The following TBC1D10B variants were observed in gnomAD, a reference collection of about 807,000 sequenced individuals.
The protein encoded by TBC1D10B is Rab27A-GAPbeta.
A neutral mutation model predicts 78.4 loss-of-function variants in TBC1D10B; 25 were observed. The ratio of observed to expected loss-of-function variants is 0.32; its 90% CI spans 0.23 to 0.45. The LOEUF (loss-of-function observed/expected upper bound fraction) is 0.45, where lower values mean the gene tolerates loss of function less well. Among genes scored for constraint, TBC1D10B ranks in the 20% least tolerant of loss-of-function variants. The pLI is 1.00. For missense variants in TBC1D10B, 996 were observed against 1,104.8 expected, an observed-to-expected ratio of 0.90 and a Z score of 1.40; for synonymous variants, 517 against 478.0, an observed-to-expected ratio of 1.08 and a Z score of -1.06.
At position 30,369,229 on chromosome 16, in the gene TBC1D10B, G is replaced by T. The variant is rs867740881; in HGVS notation, c.955C>A (p.Leu319Ile). 1 of 1,576,042 alleles carries T rather than the reference G, an allele frequency of 6.3e-7. No homozygotes were observed. Among genetic ancestry groups the T allele is most frequent in the East Asian group, 2.3e-5 (1 of 43,374 alleles). The part of the protein sequence containing the change: ...FLGGSQYSGS[L>I]ESSIPVDVAR... ...CGCTGGGTGCCCACTGGTACTCACA[G>T]GCTGCCCGAGTACTGGCTGCCCCCA... Residue 319 changes from leucine (L) to isoleucine (I), a missense_variant and splice_region_variant, in exon 1 of 9, where the codon CTA becomes ATA. By Grantham distance (5) the Leu-to-Ile change is conservative (BLOSUM62 2). This residue lies in a region of TBC1D10B where 448 missense variants were observed against 442.1 expected (regional missense o/e 1.01). Transcript: ENST00000409939. The surrounding 1 kb of genome is among the most constrained non-coding windows in gnomAD (Gnocchi z 4.3).
At chr16:30,368,212 C>T (rs189782977) in intron 1 of TBC1D10B, among the ~76,000 whole-genome samples, 13 of 152,240 alleles carry the variant, frequency 8.5e-5, no homozygotes, top group African/African-American at 3.1e-4. Flanking sequence ...ACAGGGCTTC[C>T]CCCGATCCCT....
In TBC1D10B at chr16:30,359,798, G is replaced by A. The variant is rs776133042; in HGVS notation, c.1315C>T (p.Arg439Trp). 16 of 1,579,208 alleles carry A rather than the reference G, an allele frequency of 1.0e-5. No individual in the cohort carries two copies. The highest frequency in any genetic ancestry group is 1.2e-5 in the South Asian group (1 of 86,126). ...GCCTGGCAGTAACCCTCGTCAGGCC[G>A]GTAGATGGTGTAGGCCTTCAGGATT... ...YRILKAYTIY[R>W]PDEGYCQAQA... The change falls in exon 5 of 9, where the codon CGG (arginine) becomes TGG (tryptophan). Residue 439 changes from arginine to tryptophan, a missense_variant. Physicochemically the swap from Arg to Trp is moderately radical, Grantham distance 101. Transcript: ENST00000409939.
Position 30,370,426 on chromosome 16 carries a change from T to C in TBC1D10B, c.-243A>G, listed in dbSNP as rs968420589. 1.3e-5 allele frequency among the ~76,000 whole-genome samples: 2 copies of C among 151,742 alleles called. No individual in the cohort carries two copies. Among genetic ancestry groups the C allele is most frequent in the African/African-American group, 4.8e-5 (2 of 41,358 alleles). On this transcript the variant is annotated 5_prime_UTR_variant, in exon 1 of 9. Coordinates refer to ENST00000409939, the MANE Select transcript of TBC1D10B (RefSeq NM_015527.4). The stretch of plus-strand genomic sequence containing the variant: ...GCTCTCGCCACCGCCCCCTCCCTCC[T>C]GCTTGGGGGCGAGCCGCCGACCTCG...
Position 30,369,568 on chromosome 16 carries a change from C to A in TBC1D10B, c.616G>T (p.Ala206Ser). ...HGAAAATSASAGQAPEDPSGP... is the reference protein window; with the variant it reads ...HGAAAATSASSGQAPEDPSGP... ...GAGGGGTCCTCAGGAGCCTGTCCTG[C>A]TGATGCTGATGTTGCTGCGGCAGCT... Residue 206 changes from alanine (A) to serine (S), a missense_variant, in exon 1 of 9, where the codon GCA (alanine) becomes TCA (serine). By Grantham distance (99) the Ala-to-Ser change is moderately conservative. Coordinates refer to ENST00000409939, the MANE Select transcript of TBC1D10B (RefSeq NM_015527.4). This position sits in a 1 kb window ranked among gnomAD's most constrained non-coding sequence, Gnocchi z 4.3. 1 of 1,533,948 alleles carries A rather than the reference C, an allele frequency of 6.5e-7. No individual in the cohort carries two copies. Among genetic ancestry groups the A allele is most frequent in the South Asian group, 1.2e-5 (1 of 82,686 alleles).
In TBC1D10B at chr16:30,370,084, C is replaced by T; in HGVS notation, c.100G>A (p.Val34Met). ...ACTGGAGGTCCCGGAGCCACCACCA[C>T]GACGGGCCCGGCCCGGGAACCCCGG... ...PPRGSRAGPV[V>M]VVAPGPPVTT... Residue 34 changes from valine (V) to methionine (M), a missense_variant, in exon 1 of 9, where the codon GTG becomes ATG. Around this residue, in one of 5 missense-constraint regions of TBC1D10B, gnomAD observed 448 missense variants for 442.1 expected, o/e 1.01. Transcript: ENST00000409939. 1.6e-6 allele frequency: 2 copies of T among 1,225,610 alleles called. No individual in the cohort carries two copies. Among genetic ancestry groups the T allele is most frequent in the Non-Finnish European group, 2.0e-6 (2 of 984,066 alleles). 75.9% of individuals were successfully genotyped at this position (1,225,610 alleles called of 1,614,324 possible).
intron 1 of TBC1D10B, among the ~76,000 whole-genome samples, chr16:30,368,971 T>C (rs939260557): frequency 3.3e-5 from 5 of 152,178 alleles, no homozygotes; most frequent in African/African-American, 1.2e-4. Flanking sequence ...GGGAAGCCAC[T>C]AGCTCAAGGG....
Position 30,358,678 on chromosome 16 carries a change from G to A in TBC1D10B, c.1782C>T (p.Asp594=). The part of the protein sequence containing the change: ...RNLPQQCMQE[D]FLVHEVTNLP... Reference sequence around the variant, plus strand: ...ACAGGCCTACCTCATGCACCAGGAAGTCTTCCTGCATGCACTGCTGGGGCA... The same window carrying A: ...ACAGGCCTACCTCATGCACCAGGAAATCTTCCTGCATGCACTGCTGGGGCA... The change falls in exon 8 of 9, where the codon GAC becomes GAT. Residue 594 remains aspartate (D), a synonymous_variant. Coordinates refer to ENST00000409939, the MANE Select transcript of TBC1D10B (RefSeq NM_015527.4). The A allele has an allele frequency of 4.4e-6, 7 of 1,607,234 alleles. No individual in the cohort carries two copies. In the South Asian group the frequency reaches 5.5e-5, roughly 13 times the overall value.
In TBC1D10B at chr16:30,370,217, G is replaced by T. The variant is rs2049678283; in HGVS notation, c.-34C>A. The T allele has an allele frequency of 9.1e-7, 1 of 1,095,102 alleles. No homozygotes were observed. Among genetic ancestry groups the T allele is most frequent in the Non-Finnish European group, 1.1e-6 (1 of 888,552 alleles). The allele number at this position is 1,095,102 out of a possible 1,614,324, so 67.8% of individuals were successfully genotyped here. Reference sequence around the variant, plus strand: ...GCCGCCCCTCACATCCCCCCGCCGGGGAGGCCGCAGAAGGCGCCGCCCCTC... The same window carrying T: ...GCCGCCCCTCACATCCCCCCGCCGGTGAGGCCGCAGAAGGCGCCGCCCCTC... On this transcript the variant is annotated 5_prime_UTR_variant, in exon 1 of 9. Coordinates refer to ENST00000409939, the MANE Select transcript of TBC1D10B (RefSeq NM_015527.4).
rs947663415 is a variant in TBC1D10B, at chr16:30,369,100, G to A, written c.956+128C>T. On this transcript the variant is annotated intron_variant, in intron 1 of 8. Transcript: ENST00000409939. This position sits in a 1 kb window ranked among gnomAD's most constrained non-coding sequence, Gnocchi z 4.3. Reference sequence around the variant, plus strand: ...TGCTCAAGACACGGCAGCTCGCGCTGATCACCCCGTGGATCCTCAGAGGAG... The same window carrying A: ...TGCTCAAGACACGGCAGCTCGCGCTAATCACCCCGTGGATCCTCAGAGGAG... 23 of 996,144 alleles carry A rather than the reference G, an allele frequency of 2.3e-5. No individual in the cohort carries two copies. The highest frequency in any genetic ancestry group is 1.4e-6 in the Non-Finnish European group (1 of 691,372). 61.7% of individuals were successfully genotyped at this position (996,144 alleles called of 1,614,324 possible).
intron 1 of TBC1D10B, among the ~76,000 whole-genome samples, chr16:30,368,507 G>A (rs2049654734): frequency 6.6e-6 from 1 of 152,150 alleles, no homozygotes; most frequent in Admixed American, 6.5e-5. Flanking sequence ...GGAACAACGG[G>A]CAGGATCCAG....
chr16:30,358,305 C>G lies in TBC1D10B; in HGVS notation c.2066G>C (p.Gly689Ala). ...AGTGACCACAGGCCCTGGGGCAGGCCCAGCACTGGCTCTGCGGACGGGGGG... is the reference window on the plus strand; with the variant it reads ...AGTGACCACAGGCCCTGGGGCAGGCGCAGCACTGGCTCTGCGGACGGGGGG... ...PPPPVRRASAGPAPGPVVTAE... is the reference protein window; with the variant it reads ...PPPPVRRASAAPAPGPVVTAE... The change falls in exon 9 of 9, where the codon GGG becomes GCG. Residue 689 changes from glycine to alanine, a missense_variant. Transcript: ENST00000409939. 6.3e-7 allele frequency: 1 copy of G among 1,583,332 alleles called. No homozygotes were observed. The highest frequency in any genetic ancestry group is 1.2e-5 in the South Asian group (1 of 86,392).
chr16:30,357,784 GC>G lies in TBC1D10B; in HGVS notation c.*159del. ...TCATTTGCAGCTGCCCATCTGTCCT[GC>G]CCGTGTAGGGATCAGCAGCTGGCGA... On this transcript the variant is annotated 3_prime_UTR_variant, in exon 9 of 9. Transcript: ENST00000409939. 1 of 993,446 alleles carries G rather than the reference GC, an allele frequency of 1.0e-6. No individual in the cohort carries two copies. Among genetic ancestry groups the G allele is most frequent in the East Asian group, 2.6e-5 (1 of 38,122 alleles). 61.5% of individuals were successfully genotyped at this position (993,446 alleles called of 1,614,324 possible). A position where few individuals can be genotyped will look rare whatever the true frequency, so the allele number is the denominator to read the frequency against.
In TBC1D10B at chr16:30,357,748, A is replaced by G. The variant is rs1468120299; in HGVS notation, c.*196T>C. The G allele has an allele frequency of 1.9e-5, 14 of 745,598 alleles. No individual in the cohort carries two copies. Among genetic ancestry groups the G allele is most frequent in the Admixed American group, 1.8e-4 (6 of 34,016 alleles). The allele number at this position is 745,598 out of a possible 1,614,324, so 46.2% of individuals were successfully genotyped here. A position where few individuals can be genotyped will look rare whatever the true frequency, so the allele number is the denominator to read the frequency against. On this transcript the variant is annotated 3_prime_UTR_variant, in exon 9 of 9. Coordinates refer to ENST00000409939, the MANE Select transcript of TBC1D10B (RefSeq NM_015527.4). The stretch of plus-strand genomic sequence containing the variant: ...CCAGCTGAGCCTCATGGGAGATGAG[A>G]GGCTCCAGACTCATTTGCAGCTGCC...
rs778531864 is a variant in TBC1D10B at position 30,358,559 on chromosome 16, C to G, written c.1812G>C (p.Pro604=). 1.9e-6 allele frequency: 3 copies of G among 1,599,934 alleles called. No individual in the cohort carries two copies. The highest frequency in any genetic ancestry group is 3.4e-5 in the Admixed American group (2 of 59,578). ...CCCGCTCAATCAGTGCTTCTGTCAC[C>G]GGCAGATTGGTCACCTGCACAGAGA... The part of the protein sequence containing the change: ...DFLVHEVTNL[P]VTEALIEREN... The change falls in exon 9 of 9, where the codon CCG becomes CCC. Residue 604 remains proline (P), a synonymous_variant. Transcript: ENST00000409939.
At position 30,358,499 on chromosome 16, in the gene TBC1D10B, C is replaced by T. The variant is rs763034376; in HGVS notation, c.1872G>A (p.Thr624=). Residue 624 remains threonine, a synonymous_variant, in exon 9 of 9, where the codon ACG becomes ACA. Coordinates refer to ENST00000409939, the MANE Select transcript of TBC1D10B (RefSeq NM_015527.4). ...NAAQLKKWRE[T]RGELQYRPSR... is the part of the protein sequence containing the mutation. Reference sequence around the variant, plus strand: ...AGGGCCGATACTGCAGCTCCCCCCGCGTTTCCCGCCACTTCTTGAGCTGGG... The same window carrying T: ...AGGGCCGATACTGCAGCTCCCCCCGTGTTTCCCGCCACTTCTTGAGCTGGG... The T allele has an allele frequency of 1.1e-5, 17 of 1,605,142 alleles. No individual in the cohort carries two copies. The highest frequency in any genetic ancestry group is 2.7e-5 in the African/African-American group (2 of 74,748).
rs940328631 is a variant in TBC1D10B, at chr16:30,369,758, G to A, written c.426C>T (p.Pro142=). The A allele has an allele frequency of 1.0e-5, 15 of 1,453,300 alleles. No homozygotes were observed. The Admixed American group carries it at 1.4e-4, about 14-fold the overall frequency. 90.0% of individuals were successfully genotyped at this position (1,453,300 alleles called of 1,614,324 possible). A position where few individuals can be genotyped will look rare whatever the true frequency, so the allele number is the denominator to read the frequency against. The change falls in exon 1 of 9, where the codon CCC becomes CCT. Residue 142 remains proline, a synonymous_variant. Coordinates refer to ENST00000409939, the MANE Select transcript of TBC1D10B (RefSeq NM_015527.4). The surrounding 1 kb of genome is among the most constrained non-coding windows in gnomAD (Gnocchi z 4.3). ...SPKTEEARPS[P]APGPGTPTGT... The stretch of plus-strand genomic sequence containing the variant: ...CGGTGGGGGTCCCTGGTCCTGGGGC[G>A]GGTGAGGGTCGAGCCTCCTCTGTCT...
In TBC1D10B at chr16:30,369,121, A is replaced by G; in HGVS notation, c.956+107T>C. ...CGCTGATCACCCCGTGGATCCTCAG[A>G]GGAGGCTGGGCTGCCAGAGTCTGGG... On this transcript the variant is annotated intron_variant, in intron 1 of 8. Coordinates refer to ENST00000409939, the MANE Select transcript of TBC1D10B (RefSeq NM_015527.4). The surrounding 1 kb of genome is among the most constrained non-coding windows in gnomAD (Gnocchi z 4.3). 1 of 1,192,750 alleles carries G rather than the reference A, an allele frequency of 8.4e-7. No homozygotes were observed. Among genetic ancestry groups the G allele is most frequent in the South Asian group, 1.6e-5 (1 of 62,466 alleles). 73.9% of individuals were successfully genotyped at this position (1,192,750 alleles called of 1,614,324 possible). A position where few individuals can be genotyped will look rare whatever the true frequency, so the allele number is the denominator to read the frequency against.
rs1214003448 is a variant in TBC1D10B, at chr16:30,369,218, T to G, written c.956+10A>C. On this transcript the variant is annotated intron_variant, in intron 1 of 8. Coordinates refer to ENST00000409939, the MANE Select transcript of TBC1D10B (RefSeq NM_015527.4). The surrounding 1 kb of genome is among the most constrained non-coding windows in gnomAD (Gnocchi z 4.3). ...CGAGGCGGTCCCGCTGGGTGCCCAC[T>G]GGTACTCACAGGCTGCCCGAGTACT... is the stretch of plus-strand genomic sequence containing the variant. The G allele has an allele frequency of 1.3e-6, 2 of 1,568,694 alleles. No individual in the cohort carries two copies. Among genetic ancestry groups the G allele is most frequent in the Admixed American group, 3.7e-5 (2 of 54,464 alleles).
Position 30,365,515 on chromosome 16 carries a change from G to A in TBC1D10B, c.1036C>T (p.Leu346=). ...LDMFSNWDKW[L]SRRFQKVKLR... is the part of the protein sequence containing the mutation. ...CAAACCTTCTGGAATCGCCGTGACA[G>A]CCACTTATCCCAGTTACTGAACATG... The change falls in exon 2 of 9, where the codon CTG becomes TTG. Residue 346 remains leucine (L), a synonymous_variant. Transcript: ENST00000409939. The surrounding 1 kb of genome is among the most constrained non-coding windows in gnomAD (Gnocchi z 5.0). The A allele has an allele frequency of 6.2e-7, 1 of 1,614,022 alleles. No individual in the cohort carries two copies. Among genetic ancestry groups the A allele is most frequent in the Non-Finnish European group, 8.5e-7 (1 of 1,179,886 alleles).
Sources: gnomAD v4.1 joint callset for allele counts (sites outside exome capture counted in the v4.1 genomes callset) on GRCh38, gnomAD v4.1.1 for gene constraint, gnomAD v4.1.1 regional missense constraint, Gnocchi (gnomAD v3.1) non-coding constraint, MANE v1.5 for transcripts, NCBI Gene and HGNC (gene_info 2026-07-23, HGNC 2026-07-21) for gene names.